The following CHID1 variants were observed in gnomAD, a reference collection of about 807,000 sequenced individuals.
CHID1 encodes chitinase domain containing 1.
CHID1 carries 44 observed loss-of-function variants against 55.4 expected under a neutral mutation model. That is an observed-to-expected ratio of 0.79 (90% CI 0.62 to 1.02). The LOEUF (loss-of-function observed/expected upper bound fraction) is 1.02. CHID1 is among the 50% of genes least tolerant of loss of function. The pLI is 0.00. For missense variants in CHID1, 491 were observed against 515.3 expected (o/e 0.95, Z 0.46); for synonymous variants, 216 against 212.9 (o/e 1.01, Z -0.13).
intron 4 of CHID1, among the ~76,000 whole-genome samples, chr11:901,447 G>T (rs1025053105): frequency 6.0e-4 from 91 of 152,306 alleles, no homozygotes; most frequent in African/African-American, 2.0e-3. Flanking sequence ...CACTTCCCCT[G>T]CCATTTCTCT....
At chr11:910,712 T>C in intron 1 of CHID1, 63 bp downstream of exon 1, 1 of 1,255,396 alleles carries the variant, frequency 8.0e-7, no homozygotes, top group Non-Finnish European at 1.0e-6. Flanking sequence ...GCGCCCACTT[T>C]GCGGGAGGGA....
Position 870,149 on chromosome 11 carries a change from C to T in CHID1, c.1055G>A (p.Arg352Lys). The part of the protein sequence containing the change: ...FFEYKKSRSG[R>K]HVVFYPTLKS... Reference sequence around the variant, plus strand: ...CAGGGTTGGGTAGAAGACGACGTGCCTCCCACTGCGGCTCCTGCAAGACAA... The same window carrying T: ...CAGGGTTGGGTAGAAGACGACGTGCTTCCCACTGCGGCTCCTGCAAGACAA... Residue 352 changes from arginine (R) to lysine (K), a missense_variant, in exon 12 of 13, where the codon AGG (arginine) becomes AAG (lysine). Transcript: ENST00000323578. The T allele has an allele frequency of 5.6e-6, 9 of 1,613,110 alleles. No individual in the cohort carries two copies. The highest frequency in any genetic ancestry group is 6.8e-6 in the Non-Finnish European group (8 of 1,179,970).
At chr11:910,665 A>C in intron 1 of CHID1, 110 bp downstream of exon 1, 1 of 1,268,490 alleles carries the variant, frequency 7.9e-7, no homozygotes, top group Non-Finnish European at 1.0e-6. Flanking sequence ...CCGCGACCCC[A>C]CGCCCGTCCT....
At chr11:914,763 C>T, upstream of CHID1, 1 of 340,708 alleles carries the variant, frequency 2.9e-6, no homozygotes, top group Non-Finnish European at 5.7e-6. Flanking sequence ...GTTGGAGGTG[C>T]CTGGTGGCTG....
chr11:875,086 A>G lies in CHID1; in HGVS notation c.960-4587T>C, dbSNP rs531595121. Reference sequence around the variant, plus strand: ...GAGGAGGGGCTTGCAGGCTCGGGCCAGGGCTGCTGTGAGCAATGGTGAGGC... The same window carrying G: ...GAGGAGGGGCTTGCAGGCTCGGGCCGGGGCTGCTGTGAGCAATGGTGAGGC... On this transcript the variant is annotated intron_variant, in intron 10 of 12. Coordinates refer to ENST00000323578, the MANE Select transcript of CHID1 (RefSeq NM_023947.4). The surrounding 1 kb of genome is among the most constrained non-coding windows in gnomAD (Gnocchi z 4.7). 7.9e-5 allele frequency among the ~76,000 whole-genome samples: 12 copies of G among 152,330 alleles called. No individual in the cohort carries two copies. In the South Asian group the frequency reaches 2.3e-3, roughly 29 times the overall value.
chr11:889,452 G>A (rs1850645471), intron 8 of CHID1, among the ~76,000 whole-genome samples: 1 of 152,246 alleles, frequency 6.6e-6, no homozygotes, highest in South Asian at 2.1e-4. Flanking sequence ...CTGCTGGGGT[G>A]GGCCCATCTC....
chr11:908,463 G>C (rs959726661), intron 1 of CHID1: 1 of 486,702 alleles, frequency 2.1e-6, no homozygotes, highest in Non-Finnish European at 2.7e-6. Flanking sequence ...CTGAGGCTTG[G>C]TCTGAGTCAG....
chr11:893,400 C>T, intron 8 of CHID1, 27 bp downstream of exon 8: 3 of 1,535,844 alleles, frequency 2.0e-6, no homozygotes, highest in Admixed American at 2.0e-5. Context: ...TCCACAGCCA[C>T]CCCCACATCT....
At chr11:872,025 G>T (rs542451843) in intron 10 of CHID1, among the ~76,000 whole-genome samples, 1 of 152,336 alleles carries the variant, frequency 6.6e-6, no homozygotes, top group Admixed American at 6.5e-5. Context: ...CAAAGTGCCA[G>T]ACCCCATCGG....
chr11:882,973 G>A (rs1051255852), intron 10 of CHID1, 175 bp downstream of exon 10: 3 of 635,950 alleles, frequency 4.7e-6, no homozygotes, highest in East Asian at 5.5e-5. Context: ...CACAGTGGGG[G>A]CTGCGGTGGG....
chr11:883,355 G>A (rs1850148312), intron 9 of CHID1, 52 bp from the exon 10 acceptor site: 2 of 1,564,436 alleles, frequency 1.3e-6, no homozygotes, highest in Non-Finnish European at 1.7e-6. Context: ...CCCCGCACCT[G>A]AGCCATCATT....
intron 4 of CHID1, among the ~76,000 whole-genome samples, chr11:901,241 G>C (rs1463613587): frequency 6.6e-6 from 1 of 152,126 alleles, no homozygotes; most frequent in East Asian, 1.9e-4. Context: ...CCTGAGCTGG[G>C]ACAGCTCAGA....
intron 8 of CHID1, among the ~76,000 whole-genome samples, chr11:893,176 C>T (rs1850966978): frequency 6.6e-6 from 1 of 152,214 alleles, no homozygotes; most frequent in South Asian, 2.1e-4. Flanking sequence ...GCCTCTGTGA[C>T]TCCCCAACCC....
chr11:890,198 G>A (rs1019211895), intron 8 of CHID1, among the ~76,000 whole-genome samples: 5 of 152,342 alleles, frequency 3.3e-5, no homozygotes, highest in African/African-American at 9.6e-5. Context: ...ACCTCGGCCC[G>A]TCCACACCGC....
upstream of CHID1, among the ~76,000 whole-genome samples, chr11:911,831 C>G (rs561001640): frequency 6.6e-6 from 1 of 152,308 alleles, no homozygotes; most frequent in East Asian, 1.9e-4. Flanking sequence ...TGGATGGTGG[C>G]CTGAAGCCTG....
chr11:902,951 C>A lies in CHID1; in HGVS notation c.261+11G>T, dbSNP rs1207541319. The A allele has an allele frequency of 6.2e-7, 1 of 1,612,328 alleles. No individual in the cohort carries two copies. The highest frequency in any genetic ancestry group is 1.7e-5 in the Admixed American group (1 of 59,974). On this transcript the variant is annotated intron_variant, in intron 3 of 12. Coordinates refer to ENST00000323578, the MANE Select transcript of CHID1 (RefSeq NM_023947.4). ...AGGACCTCCCTCTGCACTGTGAGGG[C>A]CCCAACTTACTGGAGTGACATAGCC...
At chr11:902,869 C>T in intron 3 of CHID1, 93 bp downstream of exon 3, 4 of 1,193,666 alleles carry the variant, frequency 3.4e-6, no homozygotes, top group Non-Finnish European at 4.8e-6. Flanking sequence ...CATAGACCCC[C>T]ATCACTGACT....
chr11:900,055 G>A lies in CHID1; in HGVS notation c.495C>T (p.Asp165=), dbSNP rs772844179. 5.0e-6 allele frequency: 8 copies of A among 1,614,092 alleles called. No homozygotes were observed. Among genetic ancestry groups the A allele is most frequent in the South Asian group, 2.2e-5 (2 of 91,086 alleles). The change falls in exon 6 of 13, where the codon GAC becomes GAT. Residue 165 remains aspartate, a synonymous_variant. Coordinates refer to ENST00000323578, the MANE Select transcript of CHID1 (RefSeq NM_023947.4). ...WTYDDFRNVL[D]SEDEIEELSK... ...TCAGCTCCTCTATCTCATCCTCACT[G>A]TCTAAGACGTTCCGGAAATCATCGT...
chr11:890,865 C>A (rs531547125), intron 8 of CHID1, among the ~76,000 whole-genome samples: 1 of 152,116 alleles, frequency 6.6e-6, no homozygotes, highest in Non-Finnish European at 1.5e-5. Context: ...ACGAAGGACA[C>A]GATAAAATTG....
Sources: gnomAD v4.1 joint callset for allele counts (sites outside exome capture counted in the v4.1 genomes callset) on GRCh38, gnomAD v4.1.1 for gene constraint, Gnocchi (gnomAD v3.1) non-coding constraint, MANE v1.5 for transcripts, NCBI Gene and HGNC (gene_info 2026-07-23, HGNC 2026-07-21) for gene names.